MAP3K9: variants seen among roughly 807,000 people sequenced by gnomAD.
MAP3K9 encodes mitogen-activated protein kinase kinase kinase 9, also known as mixed lineage kinase 1 (tyr and ser/thr specificity).
Under a neutral mutation model 95.8 loss-of-function variants are expected in MAP3K9, and 46 were observed. The ratio of observed to expected loss-of-function variants is 0.48; its 90% confidence interval spans 0.38 to 0.61. The LOEUF is 0.61. Ranked by LOEUF, MAP3K9 falls within the 20% of genes least tolerant of loss-of-function variation. The pLI is 0.00. For missense variants in MAP3K9, 1,296 were observed against 1,474.3 expected, an observed-to-expected ratio of 0.88 and a Z score of 1.98; for synonymous variants, 533 against 593.8, an observed-to-expected ratio of 0.90 and a Z score of 1.49.
chr14:70,774,577 C>T (rs781406617), intron 2 of MAP3K9, among the ~76,000 whole-genome samples: 3 of 151,962 alleles, frequency 2.0e-5, no homozygotes, highest in Non-Finnish European at 2.9e-5. Context: ...GCAGGAGAAT[C>T]GCTTGAACCT....
chr14:70,797,027 A>G (rs931140666), intron 2 of MAP3K9, among the ~76,000 whole-genome samples: 4 of 152,222 alleles, frequency 2.6e-5, no homozygotes, highest in African/African-American at 9.6e-5. Flanking sequence ...ACTGCCAGTA[A>G]ACTGCAAATG....
At chr14:70,806,294 C>A (rs2054989258) in intron 1 of MAP3K9, among the ~76,000 whole-genome samples, 2 of 152,226 alleles carry the variant, frequency 1.3e-5, no homozygotes. Flanking sequence ...TAATCTCCCT[C>A]ATGTAACTTA....
Position 70,733,250 on chromosome 14 carries a change from C to G in MAP3K9, c.2119G>C (p.Glu707Gln). 2.5e-6 allele frequency: 4 copies of G among 1,612,662 alleles called. No homozygotes were observed. Among genetic ancestry groups the G allele is most frequent in the Non-Finnish European group, 3.4e-6 (4 of 1,179,128 alleles). The change falls in exon 11 of 12, where the codon GAG (glutamate) becomes CAG (glutamine). Residue 707 changes from glutamate to glutamine, a missense_variant. By Grantham distance (29) the Glu-to-Gln change is conservative. Coordinates refer to ENST00000554752, the MANE Select transcript of MAP3K9 (RefSeq NM_001284230.2). ...SYLCIPFPRGEDGDGPSSDGI... is the reference protein window; with the variant it reads ...SYLCIPFPRGQDGDGPSSDGI... The stretch of plus-strand genomic sequence containing the variant: ...TCACTGGAGGGGCCATCGCCATCCT[C>G]TCCACGAGGGAATGGGATACAGAGG...
intron 2 of MAP3K9, among the ~76,000 whole-genome samples, chr14:70,796,789 G>A (rs1041602182): frequency 6.6e-6 from 1 of 152,210 alleles, no homozygotes; most frequent in Non-Finnish European, 1.5e-5. Flanking sequence ...GGGTGACAAT[G>A]AGGATGGAAG....
Position 70,751,462 on chromosome 14 carries a change from G to A in MAP3K9, c.1002-1381C>T, listed in dbSNP as rs112193592. Among the ~76,000 whole-genome samples, 1,266 of 152,272 alleles carry A rather than the reference G, an allele frequency of 8.3e-3. 16 individuals are homozygous for A. Among genetic ancestry groups the A allele is most frequent in the African/African-American group, 0.028 (1,163 of 41,550 alleles). ...TGGCTCACATCTGTAATCCCAGACTGTAAATTCAGCCTTTGGGAGGCGGAA... is the reference window on the plus strand; with the variant it reads ...TGGCTCACATCTGTAATCCCAGACTATAAATTCAGCCTTTGGGAGGCGGAA... On this transcript the variant is annotated intron_variant, in intron 3 of 11. Coordinates refer to ENST00000554752, the MANE Select transcript of MAP3K9 (RefSeq NM_001284230.2).
chr14:70,786,513 T>TA (rs778696772), intron 2 of MAP3K9, among the ~76,000 whole-genome samples: 16 of 152,152 alleles, frequency 1.1e-4, no homozygotes, highest in Non-Finnish European at 2.4e-4. Flanking sequence ...CGAGTTCATG[T>TA]TAGTAACCAG....
At chr14:70,735,738 A>C (rs2053976615) in intron 9 of MAP3K9, among the ~76,000 whole-genome samples, 1 of 152,220 alleles carries the variant, frequency 6.6e-6, no homozygotes, top group South Asian at 2.1e-4. Context: ...GGAGTATCCT[A>C]ATTGGAGTGG....
At chr14:70,747,561 T>G (rs2054164947) in intron 5 of MAP3K9, among the ~76,000 whole-genome samples, 1 of 152,184 alleles carries the variant, frequency 6.6e-6, no homozygotes, top group African/African-American at 2.4e-5. Context: ...GTTTTTGGAA[T>G]CAGAAGACCC....
intron 2 of MAP3K9, among the ~76,000 whole-genome samples, chr14:70,769,178 C>G (rs1290392325): frequency 1.3e-5 from 2 of 152,142 alleles, no homozygotes; most frequent in Non-Finnish European, 2.9e-5. Flanking sequence ...TGCCTGTGAA[C>G]AGCCACTGCA....
intron 2 of MAP3K9, among the ~76,000 whole-genome samples, chr14:70,764,078 C>T (rs1324651408): frequency 2.1e-5 from 3 of 143,344 alleles, no homozygotes; most frequent in Non-Finnish European, 4.5e-5. Flanking sequence ...CCCAGCTACT[C>T]GGGAGGCTGA....
chr14:70,733,361 T>C lies in MAP3K9; in HGVS notation c.2027-19A>G, dbSNP rs752312596. ...TCATCCTCTGTGAAGATGACAAGAG[T>C]GGAAGAGAAACAGGAAATGGAAATG... On this transcript the variant is annotated intron_variant, in intron 10 of 11. Coordinates refer to ENST00000554752, the MANE Select transcript of MAP3K9 (RefSeq NM_001284230.2). The C allele has an allele frequency of 3.6e-6, 4 of 1,096,908 alleles. No homozygotes were observed. In the Admixed American group the frequency reaches 9.9e-5, roughly 27 times the overall value. The allele number at this position is 1,096,908 out of a possible 1,614,324, so 67.9% of individuals were successfully genotyped here.
chr14:70,788,940 A>G (rs2139840065), intron 2 of MAP3K9, among the ~76,000 whole-genome samples: 1 of 152,334 alleles, frequency 6.6e-6, no homozygotes, highest in South Asian at 2.1e-4. Context: ...CTAAGTTGAC[A>G]TAGGGAGGCC....
intron 2 of MAP3K9, among the ~76,000 whole-genome samples, chr14:70,778,545 G>C (rs2139820157): frequency 6.6e-6 from 1 of 152,176 alleles, no homozygotes; most frequent in South Asian, 2.1e-4. Context: ...CAAAGTGCAG[G>C]GGTTACAGGC....
chr14:70,766,979 G>T (rs1057282813), intron 2 of MAP3K9, among the ~76,000 whole-genome samples: 1 of 151,966 alleles, frequency 6.6e-6, no homozygotes, highest in African/African-American at 2.4e-5. Flanking sequence ...CATCATTTCC[G>T]CTAGCATGTG....
At chr14:70,739,276 G>C (rs1158825472) in intron 7 of MAP3K9, among the ~76,000 whole-genome samples, 1 of 152,074 alleles carries the variant, frequency 6.6e-6, no homozygotes, top group Non-Finnish European at 1.5e-5. Flanking sequence ...ACTACAGATG[G>C]GTGCCACCAT....
intron 1 of MAP3K9, among the ~76,000 whole-genome samples, chr14:70,804,910 A>G (rs999738713): frequency 6.6e-6 from 1 of 152,114 alleles, no homozygotes; most frequent in Non-Finnish European, 1.5e-5. Context: ...ACCCAGAAAG[A>G]AGGGAGGGAG....
At chr14:70,749,190 TAA>T (rs1041505955) in intron 4 of MAP3K9, among the ~76,000 whole-genome samples, 186 bp from the exon 5 acceptor site, 2 of 152,122 alleles carry the variant, frequency 1.3e-5, no homozygotes, top group Admixed American at 6.5e-5. Context: ...ATTACAACCA[TAA>T]AGAGTGAAAA....
At chr14:70,771,535 A>C (rs557082501) in intron 2 of MAP3K9, among the ~76,000 whole-genome samples, 1 of 152,122 alleles carries the variant, frequency 6.6e-6, no homozygotes, top group African/African-American at 2.4e-5. Flanking sequence ...ACACCAAGGC[A>C]GAAAGAAAAA....
chr14:70,763,534 CTTT>C (rs10709958), intron 2 of MAP3K9, among the ~76,000 whole-genome samples: 1 of 146,444 alleles, frequency 6.8e-6, no homozygotes. Flanking sequence ...TATGTATTTA[CTTT>C]TTTTTTTTTT....
Sources: allele counts gnomAD v4.1 joint callset (sites outside exome capture counted in the v4.1 genomes callset), GRCh38; gene constraint gnomAD v4.1.1; transcripts MANE v1.5; gene names NCBI Gene and HGNC (gene_info 2026-07-23, HGNC 2026-07-21).